The following RPF2 variants were observed in gnomAD, a reference collection of about 807,000 sequenced individuals.
RPF2 encodes ribosome production factor 2 homolog, also known as brix domain containing 1.
A neutral mutation model predicts 38.9 loss-of-function variants in RPF2; 21 were observed. The observed-to-expected ratio is 0.54, with a 90% confidence interval of 0.38 to 0.78. RPF2 has a LOEUF of 0.78. Among genes scored for constraint, RPF2 ranks in the 30% least tolerant of loss-of-function variants. The pLI is 0.00. For synonymous variants in RPF2, 121 were observed against 126.2 expected (o/e 0.96, Z 0.28); for missense variants, 314 against 358.1 (o/e 0.88, Z 0.99).
chr6:110,999,798 C>T lies in RPF2; in HGVS notation c.393+11C>T. 7.0e-7 allele frequency: 1 copy of T among 1,424,054 alleles called. No homozygotes were observed. Among genetic ancestry groups the T allele is most frequent in the African/African-American group, 1.4e-5 (1 of 71,316 alleles). 88.2% of individuals were successfully genotyped at this position (1,424,054 alleles called of 1,614,324 possible). A position where few individuals can be genotyped will look rare whatever the true frequency, so the allele number is the denominator to read the frequency against. Reference sequence around the variant, plus strand: ...CTAAAAGACATTAAGGTAAGATACTCATAGAAATGAAAAGTATTTTGTAAT... The same window carrying T: ...CTAAAAGACATTAAGGTAAGATACTTATAGAAATGAAAAGTATTTTGTAAT... On this transcript the variant is annotated intron_variant, in intron 6 of 9. Coordinates refer to ENST00000441448, the MANE Select transcript of RPF2 (RefSeq NM_032194.3).
At chr6:111,014,522 G>A (rs935826636) in intron 7 of RPF2, among the ~76,000 whole-genome samples, 1 of 152,150 alleles carries the variant, frequency 6.6e-6, no homozygotes, top group Admixed American at 6.5e-5. Context: ...TGCATCTTAT[G>A]GGCTAATGGG....
chr6:111,020,763 A>T (rs1002007439), intron 8 of RPF2, among the ~76,000 whole-genome samples: 2 of 152,152 alleles, frequency 1.3e-5, no homozygotes, highest in Admixed American at 1.3e-4. Flanking sequence ...CAGGAGGCTG[A>T]TGCAGGAGAA....
intron 8 of RPF2, among the ~76,000 whole-genome samples, chr6:111,019,840 A>G (rs1419794580): frequency 6.6e-6 from 1 of 152,234 alleles, no homozygotes; most frequent in Non-Finnish European, 1.5e-5. Flanking sequence ...TCTCATCCCC[A>G]AGATATCTCA....
chr6:110,997,284 T>A lies in RPF2; in HGVS notation c.316+20T>A, dbSNP rs1480024993. 2.1e-6 allele frequency: 3 copies of A among 1,439,026 alleles called. No individual in the cohort carries two copies. Among genetic ancestry groups the A allele is most frequent in the African/African-American group, 1.4e-5 (1 of 71,008 alleles). The allele number at this position is 1,439,026 out of a possible 1,614,324, so 89.1% of individuals were successfully genotyped here. On this transcript the variant is annotated intron_variant, in intron 5 of 9. Transcript: ENST00000441448. ...TAATAGGTAAGTATAATTTACTTTTTAATGTTTTCACTGATAGAGTCAATT... is the reference window on the plus strand; with the variant it reads ...TAATAGGTAAGTATAATTTACTTTTAAATGTTTTCACTGATAGAGTCAATT...
rs960117989 is a variant in RPF2, at chr6:111,026,044, G to A, written c.*462G>A. ...TTTTATTTTGCCTGAAATCCTACTC[G>A]TTGACATTTGAGATTTTAAGCTTTG... On this transcript the variant is annotated 3_prime_UTR_variant, in exon 10 of 10. Transcript: ENST00000441448. The A allele has an allele frequency of 1.3e-5, 2 of 152,246 alleles. No homozygotes were observed. The highest frequency in any genetic ancestry group is 2.9e-5 in the Non-Finnish European group (2 of 68,234). 9.4% of individuals were successfully genotyped at this position (152,246 alleles called of 1,614,324 possible).
At chr6:110,996,812 G>GC (rs1554248044) in intron 4 of RPF2, among the ~76,000 whole-genome samples, 2 of 151,610 alleles carry the variant, frequency 1.3e-5, no homozygotes, top group Non-Finnish European at 2.9e-5. Flanking sequence ...GTTTTGTTTT[G>GC]TTTTTTTTAG....
At chr6:110,989,448 C>G (rs1771580271) in intron 3 of RPF2, among the ~76,000 whole-genome samples, 1 of 152,002 alleles carries the variant, frequency 6.6e-6, no homozygotes, top group African/African-American at 2.4e-5. Context: ...TGATTAGCAC[C>G]AGTTTTTCTT....
chr6:110,997,416 T>C, intron 5 of RPF2, 152 bp downstream of exon 5: 1 of 590,150 alleles, frequency 1.7e-6, no homozygotes, highest in Non-Finnish European at 3.0e-6. Flanking sequence ...CTGAGGGAAG[T>C]ATTTGAACAG....
intron 6 of RPF2, among the ~76,000 whole-genome samples, chr6:111,003,906 G>C (rs1279872663): frequency 6.6e-6 from 1 of 151,680 alleles, no homozygotes; most frequent in Non-Finnish European, 1.5e-5. Flanking sequence ...TCTGCCTCCC[G>C]GGTTCAGGAG....
In RPF2 at chr6:111,020,785, G is replaced by C. The variant is rs1772218214; in HGVS notation, c.597-3398G>C. On this transcript the variant is annotated intron_variant, in intron 8 of 9. Coordinates refer to ENST00000441448, the MANE Select transcript of RPF2 (RefSeq NM_032194.3). Reference sequence around the variant, plus strand: ...CTGATGCAGGAGAACCCGGGAGGCAGAGGTTGCAGTGAGCCAAGATCGCAC... The same window carrying C: ...CTGATGCAGGAGAACCCGGGAGGCACAGGTTGCAGTGAGCCAAGATCGCAC... Among the ~76,000 whole-genome samples the C allele has an allele frequency of 2.0e-5, 3 of 152,110 alleles. No individual in the cohort carries two copies. In the South Asian group the frequency reaches 6.2e-4, roughly 32 times the overall value.
intron 6 of RPF2, among the ~76,000 whole-genome samples, chr6:111,001,083 A>T (rs1771805213): frequency 6.6e-6 from 1 of 152,166 alleles, no homozygotes; most frequent in Non-Finnish European, 1.5e-5. Flanking sequence ...CTATTTAGTC[A>T]GTCACCCCAG....
chr6:110,983,922 G>A (rs920081325), intron 1 of RPF2, among the ~76,000 whole-genome samples: 1 of 151,866 alleles, frequency 6.6e-6, no homozygotes, highest in Admixed American at 6.6e-5. Flanking sequence ...CCAGCTACTC[G>A]GGAGGCTGAG....
chr6:111,002,120 A>G (rs2114317924), intron 6 of RPF2, among the ~76,000 whole-genome samples: 1 of 152,120 alleles, frequency 6.6e-6, no homozygotes, highest in Middle Eastern at 3.4e-3. Flanking sequence ...TCTCTACTAA[A>G]AATACAAAAA....
chr6:110,982,265 C>A (rs943129493), intron 1 of RPF2, 136 bp downstream of exon 1: 1 of 973,972 alleles, frequency 1.0e-6, no homozygotes, highest in Non-Finnish European at 1.6e-6. Context: ...ATCACCAGCC[C>A]GGGTCCTCCT....
chr6:110,988,912 C>A, intron 2 of RPF2, 116 bp from the exon 3 acceptor site: 1 of 1,302,354 alleles, frequency 7.7e-7, no homozygotes, highest in Non-Finnish European at 1.0e-6. Context: ...CAGAAGCCCT[C>A]AGAATAAGAT....
intron 6 of RPF2, among the ~76,000 whole-genome samples, chr6:111,003,083 C>G (rs1422134892): frequency 1.4e-5 from 2 of 143,820 alleles, no homozygotes; most frequent in Admixed American, 6.9e-5. Context: ...TTTTTTACCC[C>G]CCCCCCTTTT....
At chr6:110,984,747 G>A (rs1771494686) in intron 1 of RPF2, among the ~76,000 whole-genome samples, 1 of 152,086 alleles carries the variant, frequency 6.6e-6, no homozygotes, top group Admixed American at 6.6e-5. Context: ...GGCTGAGGCA[G>A]GAGAATTGCT....
At chr6:110,988,038 A>G (rs1562365614) in intron 2 of RPF2, among the ~76,000 whole-genome samples, 1 of 151,990 alleles carries the variant, frequency 6.6e-6, no homozygotes, top group Non-Finnish European at 1.5e-5. Flanking sequence ...ACATGGTGAA[A>G]CCCCATCTCC....
chr6:110,988,671 G>C (rs1188547541), intron 2 of RPF2, among the ~76,000 whole-genome samples: 2 of 152,170 alleles, frequency 1.3e-5, no homozygotes, highest in East Asian at 1.9e-4. Flanking sequence ...TCCTGGGCTT[G>C]AGTGATCTGC....
Sources: gnomAD v4.1 joint callset for allele counts (sites outside exome capture counted in the v4.1 genomes callset) on GRCh38, gnomAD v4.1.1 for gene constraint, MANE v1.5 for transcripts, NCBI Gene and HGNC (gene_info 2026-07-23, HGNC 2026-07-21) for gene names.